CWF19L2: variants seen among roughly 807,000 people sequenced by gnomAD.
CWF19L2 encodes the protein CWF19-like protein 2.
In CWF19L2, 98 loss-of-function variants were observed where a neutral mutation model predicts 111.7. That is an observed-to-expected ratio of 0.88 (90% CI 0.75 to 1.04). The LOEUF is 1.04. Among genes scored for constraint, CWF19L2 ranks in the 50% least tolerant of loss-of-function variants. The pLI is 0.00. For missense variants in CWF19L2, 1,101 were observed against 1,051.4 expected (o/e 1.05, Z -0.65); for synonymous variants, 351 against 342.9 (o/e 1.02, Z -0.26).
chr11:107,363,153 C>T (rs570978464), intron 12 of CWF19L2, among the ~76,000 whole-genome samples: 2,346 of 152,078 alleles, frequency 0.015, 60 homozygotes, highest in African/African-American at 0.053. Context: ...AGCAAAGCCT[C>T]CAAGAAATAT....
chr11:107,457,020 TCTCTGTTG>T, intron 1 of CWF19L2, among the ~76,000 whole-genome samples: 1 of 152,212 alleles, frequency 6.6e-6, no homozygotes, highest in South Asian at 2.1e-4. Flanking sequence ...CTCACTGAAT[TCTCTGTTG>T]CTCTCCAACT....
intron 4 of CWF19L2, among the ~76,000 whole-genome samples, chr11:107,442,196 G>A (rs1010567615): frequency 1.4e-4 from 22 of 152,154 alleles, no homozygotes; most frequent in African/African-American, 5.3e-4. Context: ...TAAGGAACGA[G>A]AATAGAGAGG....
intron 13 of CWF19L2, among the ~76,000 whole-genome samples, chr11:107,349,814 T>C (rs1420287488): frequency 6.6e-6 from 1 of 152,074 alleles, no homozygotes; most frequent in Non-Finnish European, 1.5e-5. Context: ...GGAGTGGACA[T>C]GGATATCTAC....
Position 107,433,655 on chromosome 11 carries a change from G to A in CWF19L2, c.759C>T (p.Asp253=), listed in dbSNP as rs374361262. 20 of 1,566,352 alleles carry A rather than the reference G, an allele frequency of 1.3e-5. No homozygotes were observed. The highest frequency in any genetic ancestry group is 1.7e-4 in the Middle Eastern group (1 of 5,928). The change falls in exon 7 of 18, where the codon GAC becomes GAT. Residue 253 remains aspartate, a synonymous_variant. Transcript: ENST00000282251. The stretch of plus-strand genomic sequence containing the variant: ...TCACCCCATATCTTTCGGCTACAAT[G>A]TCCTCAAAGTTTCTACTTTGTTTCT... ...QAEKQSRNFE[D]IVAERYGSME...
intron 14 of CWF19L2, among the ~76,000 whole-genome samples, chr11:107,342,513 A>T (rs949960445): frequency 6.6e-6 from 1 of 152,152 alleles, no homozygotes; most frequent in South Asian, 2.1e-4. Flanking sequence ...CACTGTGATC[A>T]GAGAATGCAC....
intron 12 of CWF19L2, among the ~76,000 whole-genome samples, chr11:107,359,502 G>C (rs548005315): frequency 7.2e-5 from 11 of 152,246 alleles, no homozygotes; most frequent in Non-Finnish European, 1.3e-4. Context: ...CCACAGGTCT[G>C]GGAATCTTAG....
intron 12 of CWF19L2, among the ~76,000 whole-genome samples, chr11:107,360,682 G>A (rs1219504508): frequency 6.6e-6 from 1 of 152,192 alleles, no homozygotes; most frequent in Non-Finnish European, 1.5e-5. Flanking sequence ...AGCCATTCTG[G>A]CTGGGGTACG....
Position 107,390,272 on chromosome 11 carries a change from T to G in CWF19L2, c.1735-61A>C, listed in dbSNP as rs1479519478. On this transcript the variant is annotated intron_variant, in intron 11 of 17. Coordinates refer to ENST00000282251, the MANE Select transcript of CWF19L2 (RefSeq NM_152434.3). Reference sequence around the variant, plus strand: ...CATGAGTCTCTGAAGTATTTCTTGATGGATTACATAAATATCTGATGTTAA... The same window carrying G: ...CATGAGTCTCTGAAGTATTTCTTGAGGGATTACATAAATATCTGATGTTAA... 54 of 1,290,254 alleles carry G rather than the reference T, an allele frequency of 4.2e-5. No individual in the cohort carries two copies. The South Asian group carries it at 6.5e-4, about 15-fold the overall frequency. 79.9% of individuals were successfully genotyped at this position (1,290,254 alleles called of 1,614,324 possible).
chr11:107,430,405 T>C (rs536818689), intron 7 of CWF19L2, among the ~76,000 whole-genome samples: 60 of 152,254 alleles, frequency 3.9e-4, no homozygotes, highest in Non-Finnish European at 6.8e-4. Flanking sequence ...TAATTCTATA[T>C]AGAGAATTCA....
At chr11:107,388,737 C>T (rs1766951542) in intron 12 of CWF19L2, among the ~76,000 whole-genome samples, 2 of 152,080 alleles carry the variant, frequency 1.3e-5, no homozygotes, top group South Asian at 4.1e-4. Flanking sequence ...GGTTCATAAA[C>T]TTGAACGGTT....
At chr11:107,340,664 G>T (rs532712226) in intron 14 of CWF19L2, among the ~76,000 whole-genome samples, 1 of 151,970 alleles carries the variant, frequency 6.6e-6, no homozygotes, top group Middle Eastern at 3.4e-3. Flanking sequence ...TCACTATTTT[G>T]GTTCCTTTGC....
chr11:107,333,393 T>C (rs1056085516), intron 16 of CWF19L2, among the ~76,000 whole-genome samples: 21 of 152,194 alleles, frequency 1.4e-4, no homozygotes, highest in Admixed American at 1.2e-3. Context: ...AGAAAATGTA[T>C]ACACAGTATA....
In CWF19L2 at chr11:107,326,917, T is replaced by C. The variant is rs1402423628; in HGVS notation, c.2678A>G (p.Asn893Ser). 13 of 1,596,694 alleles carry C rather than the reference T, an allele frequency of 8.1e-6. No homozygotes were observed. Among genetic ancestry groups the C allele is most frequent in the Non-Finnish European group, 1.1e-5 (13 of 1,174,222 alleles). Residue 893 changes from asparagine to serine, a missense_variant, in exon 18 of 18, where the codon AAC becomes AGC. Transcript: ENST00000282251. ...TAAAATGGAAGGTACACCTCAATAG[T>C]TTTTACTTTTGGTGAAGTCATATGG... ...WKPYDFTKSK[N>S]Y
At chr11:107,425,997 A>G (rs17106930) in intron 8 of CWF19L2, among the ~76,000 whole-genome samples, 3,362 of 152,022 alleles carry the variant, frequency 0.022, 124 homozygotes, top group African/African-American at 0.076. Context: ...AAGGTTCTCA[A>G]TTGCATGGCA....
intron 3 of CWF19L2, among the ~76,000 whole-genome samples, chr11:107,444,498 A>G (rs1197583650): frequency 1.3e-5 from 2 of 152,064 alleles, no homozygotes; most frequent in East Asian, 1.9e-4. Context: ...TAGCCCTTAA[A>G]TATCTTGTTA....
chr11:107,371,864 A>C lies in CWF19L2; in HGVS notation c.1873-18128T>G, dbSNP rs1591168737. Among the ~76,000 whole-genome samples, 2 of 137,248 alleles carry C rather than the reference A, an allele frequency of 1.5e-5. 1 individual carries two copies. The highest frequency in any genetic ancestry group is 3.1e-5 in the Non-Finnish European group (2 of 64,224). The allele number at this position is 137,248 out of a possible 152,430, so 90.0% of individuals were successfully genotyped here. ...GAAAGCCAACAAAAAAGGACAACAA[A>C]AATAAGAGATGAAAGATGGTCCCCC... On this transcript the variant is annotated intron_variant, in intron 12 of 17. Transcript: ENST00000282251.
intron 14 of CWF19L2, among the ~76,000 whole-genome samples, chr11:107,341,178 C>G (rs1358119808): frequency 6.6e-6 from 1 of 152,190 alleles, no homozygotes; most frequent in African/African-American, 2.4e-5. Context: ...TTTCTCTGTT[C>G]AAACTGGACC....
At chr11:107,339,957 T>C (rs1031228139) in intron 14 of CWF19L2, among the ~76,000 whole-genome samples, 2 of 152,142 alleles carry the variant, frequency 1.3e-5, no homozygotes, top group Non-Finnish European at 2.9e-5. Context: ...CGTGAGGCAC[T>C]GCGCTCAGCC....
chr11:107,438,658 G>A (rs1393943555), intron 6 of CWF19L2, among the ~76,000 whole-genome samples: 1 of 151,900 alleles, frequency 6.6e-6, no homozygotes, highest in Non-Finnish European at 1.5e-5. Context: ...ATCTTCCATA[G>A]TACTAATAAT....
Sources: allele counts gnomAD v4.1 joint callset (sites outside exome capture counted in the v4.1 genomes callset), GRCh38; gene constraint gnomAD v4.1.1; transcripts MANE v1.5; gene names NCBI Gene and HGNC (gene_info 2026-07-23, HGNC 2026-07-21).